GALNT11: variants seen among roughly 807,000 people sequenced by gnomAD.
The protein encoded by GALNT11 is UDP-GalNAc:polypeptide N-acetylgalactosaminyltransferase 11.
In GALNT11, 47 loss-of-function variants were observed where a neutral mutation model predicts 72.7. That is an observed-to-expected ratio of 0.65 (90% CI 0.51 to 0.82). GALNT11 has a LOEUF of 0.82. Among genes scored for constraint, GALNT11 ranks in the 40% least tolerant of loss-of-function variants. The pLI is 0.00. For missense variants in GALNT11, 677 were observed against 778.4 expected (o/e 0.87, Z 1.55); for synonymous variants, 270 against 286.6 (o/e 0.94, Z 0.58).
intron 1 of GALNT11, among the ~76,000 whole-genome samples, chr7:152,030,357 A>G (rs778049186): frequency 6.6e-5 from 10 of 152,076 alleles, no homozygotes; most frequent in African/African-American, 2.4e-4. Context: ...ACTTCTCACT[A>G]TGTCCCCTCA....
intron 1 of GALNT11, among the ~76,000 whole-genome samples, chr7:152,090,837 T>A (rs1006284373): frequency 3.9e-5 from 6 of 152,142 alleles, no homozygotes. Context: ...CTTATCACTT[T>A]CTAATGTATT....
At chr7:152,059,468 A>T (rs936060796) in intron 1 of GALNT11, among the ~76,000 whole-genome samples, 1 of 152,192 alleles carries the variant, frequency 6.6e-6, no homozygotes, top group Admixed American at 6.5e-5. Context: ...TATTTTGCAC[A>T]GATCCACCAA....
At chr7:152,035,846 T>A (rs536390861) in intron 1 of GALNT11, among the ~76,000 whole-genome samples, 52 of 152,282 alleles carry the variant, frequency 3.4e-4, no homozygotes, top group African/African-American at 1.3e-3. Context: ...CAGCCCCAAG[T>A]GAGGATGGGG....
intron 1 of GALNT11, among the ~76,000 whole-genome samples, chr7:152,041,421 T>C (rs1245098503): frequency 6.6e-6 from 1 of 152,224 alleles, no homozygotes; most frequent in Non-Finnish European, 1.5e-5. Context: ...ATCATATCCA[T>C]GTAATTTAAC....
chr7:152,093,368 C>G (rs1277888096), intron 1 of GALNT11, among the ~76,000 whole-genome samples: 1 of 151,988 alleles, frequency 6.6e-6, no homozygotes, highest in Non-Finnish European at 1.5e-5. Flanking sequence ...AGAGTGCACA[C>G]TAGGGCAGGC....
intron 2 of GALNT11, among the ~76,000 whole-genome samples, chr7:152,097,779 G>A (rs946014780): frequency 1.3e-5 from 2 of 152,214 alleles, no homozygotes; most frequent in African/African-American, 4.8e-5. Flanking sequence ...GTTCCTTTAT[G>A]TGAAATGTCT....
chr7:152,071,054 G>C (rs2084611534), intron 1 of GALNT11, among the ~76,000 whole-genome samples: 1 of 152,190 alleles, frequency 6.6e-6, no homozygotes, highest in Non-Finnish European at 1.5e-5. Flanking sequence ...GCAAGTGGAG[G>C]CAGGGAGAGA....
At chr7:152,096,714 CA>C (rs768326363) in intron 2 of GALNT11, among the ~76,000 whole-genome samples, 3,755 of 60,074 alleles carry the variant, frequency 0.063, 87 homozygotes, top group African/African-American at 0.17. Context: ...GACTCTGTCT[CA>C]AAAAAAAAAA....
chr7:152,078,130 A>G (rs1454962823), intron 1 of GALNT11, among the ~76,000 whole-genome samples: 2 of 152,024 alleles, frequency 1.3e-5, no homozygotes, highest in African/African-American at 4.8e-5. Context: ...AAGCTGTAAG[A>G]AATATACTCC....
chr7:152,029,466 A>C (rs2082202437), intron 1 of GALNT11, among the ~76,000 whole-genome samples: 1 of 152,216 alleles, frequency 6.6e-6, no homozygotes, highest in Non-Finnish European at 1.5e-5. Flanking sequence ...CAAGATTAGA[A>C]GTTAGAATAA....
At chr7:152,085,777 G>A (rs991631110) in intron 1 of GALNT11, among the ~76,000 whole-genome samples, 1 of 152,026 alleles carries the variant, frequency 6.6e-6, no homozygotes, top group Admixed American at 6.6e-5. Context: ...TGCATGGCAT[G>A]ATCTTGACTC....
intron 1 of GALNT11, among the ~76,000 whole-genome samples, chr7:152,065,337 A>T (rs1353071347): frequency 6.6e-6 from 1 of 152,098 alleles, no homozygotes; most frequent in Non-Finnish European, 1.5e-5. Flanking sequence ...CATTCTAGTT[A>T]GCCATTTGTC....
intron 2 of GALNT11, among the ~76,000 whole-genome samples, chr7:152,095,320 TATC>T (rs1349597869): frequency 4.6e-5 from 7 of 152,180 alleles, no homozygotes; most frequent in Non-Finnish European, 7.4e-5. Context: ...CAATTTTTGT[TATC>T]ATTAAAACTT....
At chr7:152,044,788 T>TTGTCTGA (rs2083037746) in intron 1 of GALNT11, among the ~76,000 whole-genome samples, 1 of 152,012 alleles carries the variant, frequency 6.6e-6, no homozygotes, top group African/African-American at 2.4e-5. Context: ...TTTTATTCTC[T>TTGTCTGA]TGTCTGATTG....
chr7:152,103,413 A>T, intron 4 of GALNT11, 135 bp downstream of exon 4: 1 of 800,042 alleles, frequency 1.2e-6, no homozygotes, highest in Non-Finnish European at 1.9e-6. Context: ...TGGGCTGACC[A>T]CAAATAAGTC....
intron 1 of GALNT11, among the ~76,000 whole-genome samples, chr7:152,042,776 G>A (rs1228948617): frequency 6.6e-6 from 1 of 152,176 alleles, no homozygotes; most frequent in East Asian, 1.9e-4. Flanking sequence ...TATAGGTACA[G>A]AAGTTATAAT....
At chr7:152,061,353 A>C (rs1385756332) in intron 1 of GALNT11, among the ~76,000 whole-genome samples, 9 of 152,012 alleles carry the variant, frequency 5.9e-5, no homozygotes, top group Admixed American at 2.6e-4. Context: ...TGTTTGAGTT[A>C]TTTGTAGATT....
At position 152,049,169 on chromosome 7, in the gene GALNT11, C is replaced by G. The variant is rs189360839; in HGVS notation, c.-39+23285C>G. 2.2e-3 allele frequency among the ~76,000 whole-genome samples: 333 copies of G among 152,212 alleles called. 2 individuals carry two copies. Among genetic ancestry groups the G allele is most frequent in the African/African-American group, 7.6e-3 (317 of 41,536 alleles). On this transcript the variant is annotated intron_variant, in intron 1 of 11. Transcript: ENST00000430044. ...GTGAGGTCATGTTTTCCGGAATCAT[C>G]TTGATGCTTGAGGATGTTTGTTGGT...
Position 152,099,756 on chromosome 7 carries a change from CTTTTTTTTTT to C in GALNT11, c.296-1028_296-1019del, listed in dbSNP as rs959548417. Among the ~76,000 whole-genome samples the C allele has an allele frequency of 1.0e-3, 91 of 88,718 alleles. 1 individual carries two copies. The highest frequency in any genetic ancestry group is 3.4e-3 in the African/African-American group (70 of 20,608). The allele number at this position is 88,718 out of a possible 152,430, so 58.2% of individuals were successfully genotyped here. ...GACAGTTAAACCAGAAACTGTGAAG[CTTTTTTTTTT>C]TTTTTTTTTTTTTGAAAAGACAGGA... On this transcript the variant is annotated intron_variant, in intron 2 of 11. Coordinates refer to ENST00000430044, the MANE Select transcript of GALNT11 (RefSeq NM_022087.4).
Sources: allele counts gnomAD v4.1 joint callset (sites outside exome capture counted in the v4.1 genomes callset), GRCh38; gene constraint gnomAD v4.1.1; transcripts MANE v1.5; gene names NCBI Gene and HGNC (gene_info 2026-07-23, HGNC 2026-07-21).